ARHGAP6: variants seen among roughly 807,000 people sequenced by gnomAD.
The protein encoded by ARHGAP6 is Rho GTPase activating protein 6.
A neutral mutation model predicts 55.7 loss-of-function variants in ARHGAP6; 16 were observed. The observed-to-expected ratio is 0.29, with a 90% CI of 0.19 to 0.44. The LOEUF is 0.44. ARHGAP6 is among the 20% of genes least tolerant of loss of function. The pLI, the probability that ARHGAP6 is intolerant of heterozygous loss-of-function variation, is 1.00. For missense variants in ARHGAP6, 698 were observed against 808.9 expected (o/e 0.86, Z 1.66); for synonymous variants, 382 against 360.9 (o/e 1.06, Z -0.66).
chrX:11,495,246 T>C (rs1398049319), intron 1 of ARHGAP6, among the ~76,000 whole-genome samples: 1 of 111,041 alleles, frequency 9.0e-6, no homozygotes, highest in African/African-American at 3.3e-5. Context: ...ATTCCCAGCC[T>C]CTGCCCCCAC....
chrX:11,226,584 T>C (rs1440954156), intron 2 of ARHGAP6, among the ~76,000 whole-genome samples: 1 of 112,058 alleles, frequency 8.9e-6, no homozygotes, highest in Non-Finnish European at 1.9e-5. Context: ...GAAATATAAA[T>C]CTTGTGTATA....
rs967215774 is a variant in ARHGAP6 at position 11,138,222 on chromosome X, C to T, written c.*641G>A. 2.6e-4 allele frequency: 29 copies of T among 112,041 alleles called. No individual in the cohort carries two copies. The highest frequency in any genetic ancestry group is 8.8e-4 in the African/African-American group (27 of 30,742). The allele number at this position is 112,041 out of a possible 1,213,427, so 9.2% of individuals were successfully genotyped here. A position where few individuals can be genotyped will look rare whatever the true frequency, so the allele number is the denominator to read the frequency against. The stretch of plus-strand genomic sequence containing the variant: ...TTTAGCATTTTCCTGAAAACGTATT[C>T]AATATCTAAAAGCATTCAGTGATTT... On this transcript the variant is annotated 3_prime_UTR_variant, in exon 13 of 13. Coordinates refer to ENST00000337414, the MANE Select transcript of ARHGAP6 (RefSeq NM_013427.3).
intron 2 of ARHGAP6, among the ~76,000 whole-genome samples, chrX:11,206,191 A>G (rs1358278012): frequency 8.9e-6 from 1 of 111,801 alleles, no homozygotes; most frequent in African/African-American, 3.3e-5. Context: ...GATGCTAGAG[A>G]CAGTTGTTTA....
At chrX:11,172,719 G>GT (rs901730961) in intron 8 of ARHGAP6, among the ~76,000 whole-genome samples, 3 of 110,782 alleles carry the variant, frequency 2.7e-5, no homozygotes, top group African/African-American at 3.3e-5. Flanking sequence ...TTGTTTTATT[G>GT]TTTTTTAACA....
chrX:11,614,734 A>G (rs144169090), intron 1 of ARHGAP6, among the ~76,000 whole-genome samples: 7 of 112,209 alleles, frequency 6.2e-5, no homozygotes, highest in Non-Finnish European at 9.4e-5. Flanking sequence ...TAGCACATGT[A>G]TTCTCAACTA....
intron 1 of ARHGAP6, among the ~76,000 whole-genome samples, chrX:11,598,067 CACTGGAGAGAGGAAA>C (rs1192504451): frequency 1.8e-5 from 2 of 111,830 alleles, no homozygotes; most frequent in African/African-American, 6.5e-5. Flanking sequence ...TCACATGGGA[CACTGGAGAGAGGAAA>C]ACTGGAGAGA....
rs774224785 is a variant in ARHGAP6 at position 11,629,098 on chromosome X, C to A, written c.588+35143G>T. Among the ~76,000 whole-genome samples, 4 of 111,282 alleles carry A rather than the reference C, an allele frequency of 3.6e-5. No homozygotes were observed. In the South Asian group the frequency reaches 1.5e-3, roughly 42 times the overall value. On this transcript the variant is annotated intron_variant, in intron 1 of 12. Coordinates refer to ENST00000337414, the MANE Select transcript of ARHGAP6 (RefSeq NM_013427.3). ...CACATCTATACAAAATTACTTAGTTCATTCCAAGAGACAGCTAGGAAAGGA... is the reference window on the plus strand; with the variant it reads ...CACATCTATACAAAATTACTTAGTTAATTCCAAGAGACAGCTAGGAAAGGA...
At chrX:11,198,753 T>C (rs889016168) in intron 2 of ARHGAP6, among the ~76,000 whole-genome samples, 1 of 112,303 alleles carries the variant, frequency 8.9e-6, no homozygotes, top group African/African-American at 3.2e-5. Flanking sequence ...TTATGTATTC[T>C]ATGTAGATGT....
At chrX:11,585,236 G>A (rs2051717079) in intron 1 of ARHGAP6, among the ~76,000 whole-genome samples, 1 of 112,033 alleles carries the variant, frequency 8.9e-6, no homozygotes, top group African/African-American at 3.2e-5. Context: ...GTGCTGCAAT[G>A]AACATATGTG....
chrX:11,335,857 G>C (rs1169554476), intron 1 of ARHGAP6: 4 of 217,348 alleles, frequency 1.8e-5, no homozygotes, highest in Non-Finnish European at 3.4e-5. Flanking sequence ...CTAGGTAAAA[G>C]GTGGCAGCGA....
At chrX:11,286,086 T>C (rs181449442) in intron 1 of ARHGAP6, among the ~76,000 whole-genome samples, 2 of 112,432 alleles carry the variant, frequency 1.8e-5, no homozygotes, top group Non-Finnish European at 3.8e-5. Flanking sequence ...AATCCAAATT[T>C]AGACACTTTT....
intron 1 of ARHGAP6, among the ~76,000 whole-genome samples, chrX:11,332,452 A>C (rs2048574721): frequency 8.9e-6 from 1 of 111,990 alleles, no homozygotes; most frequent in East Asian, 2.8e-4. Flanking sequence ...GCCACAGGGT[A>C]CAGACAGCAG....
At chrX:11,594,418 A>T (rs2051876208) in intron 1 of ARHGAP6, among the ~76,000 whole-genome samples, 1 of 112,015 alleles carries the variant, frequency 8.9e-6, no homozygotes, top group African/African-American at 3.2e-5. Flanking sequence ...GAAAAGAAAA[A>T]TGCCTTTCTC....
rs748669202 is a variant in ARHGAP6, at chrX:11,664,284, G to C, written c.545C>G (p.Pro182Arg). ...GTAGGGGTGCCCGCGACTGTCGGGT[G>C]GGGACTGGAACTTCCTCTGCTGGAG... ...RWLQQRKFQSPPDSRGHPYVV... is the reference protein window; with the variant it reads ...RWLQQRKFQSRPDSRGHPYVV... The change falls in exon 1 of 13, where the codon CCA becomes CGA. Residue 182 changes from proline to arginine, a missense_variant. Pro to Arg is a moderately radical substitution (Grantham distance 103, BLOSUM62 -2). Around this residue, in one of 3 missense-constraint regions of ARHGAP6, gnomAD observed 322 missense variants for 451.1 expected, o/e 0.71. Coordinates refer to ENST00000337414, the MANE Select transcript of ARHGAP6 (RefSeq NM_013427.3). 1.7e-5 allele frequency: 20 copies of C among 1,210,580 alleles called. No individual in the cohort carries two copies. The highest frequency in any genetic ancestry group is 8.9e-6 in the Non-Finnish European group (8 of 895,184).
intron 1 of ARHGAP6, among the ~76,000 whole-genome samples, chrX:11,390,075 C>A (rs947418262): frequency 3.6e-5 from 4 of 112,121 alleles, no homozygotes; most frequent in African/African-American, 6.5e-5. Flanking sequence ...ACATTTAAGT[C>A]TTTAATCCAT....
intron 1 of ARHGAP6, among the ~76,000 whole-genome samples, chrX:11,504,703 C>T: frequency 8.9e-6 from 1 of 111,949 alleles, no homozygotes; most frequent in South Asian, 3.7e-4. Flanking sequence ...GCTTACTGAG[C>T]CAGAAGACTG....
chrX:11,161,144 A>G (rs1329877562), intron 9 of ARHGAP6, among the ~76,000 whole-genome samples: 1 of 112,287 alleles, frequency 8.9e-6, no homozygotes, highest in Non-Finnish European at 1.9e-5. Flanking sequence ...TGATTTTTTA[A>G]TGTTCATACA....
intron 1 of ARHGAP6, among the ~76,000 whole-genome samples, chrX:11,388,694 C>T (rs1336370730): frequency 1.8e-5 from 2 of 111,507 alleles, no homozygotes; most frequent in African/African-American, 3.3e-5. Flanking sequence ...TTAGGTCTAA[C>T]GTTTAAGTCT....
intron 4 of ARHGAP6, among the ~76,000 whole-genome samples, chrX:11,186,932 T>C (rs2046393067): frequency 9.1e-6 from 1 of 110,299 alleles, no homozygotes; most frequent in Admixed American, 9.6e-5. Context: ...GGGAAACACC[T>C]GTAGGGGAGG....
Sources: allele counts gnomAD v4.1 joint callset (sites outside exome capture counted in the v4.1 genomes callset), GRCh38; gene constraint gnomAD v4.1.1; regional missense constraint gnomAD v4.1.1; transcripts MANE v1.5; gene names NCBI Gene and HGNC (gene_info 2026-07-23, HGNC 2026-07-21).